Variants in UMODL1 observed in about 807,000 individuals in gnomAD.
UMODL1 encodes uromodulin like 1, also known as uromodulin-like 1.
In UMODL1, 128 loss-of-function variants were observed where a neutral mutation model predicts 136.3. The observed-to-expected ratio is 0.94, with a 90% CI of 0.81 to 1.09. The LOEUF (loss-of-function observed/expected upper bound fraction) is 1.09, where lower values mean the gene tolerates loss of function less well. Among genes scored for constraint, UMODL1 ranks in the 50% least tolerant of loss-of-function variants. The probability of loss-of-function intolerance (pLI) is 0.00; values close to 1 mark genes in which losing one functional copy is unlikely to be tolerated. For synonymous variants in UMODL1, 721 were observed against 720.0 expected (o/e 1.00, Z -0.02); for missense variants, 1,766 against 1,725.6 (o/e 1.02, Z -0.41).
chr21:42,111,149 A>T (rs1339618359), intron 11 of UMODL1, 28 bp downstream of exon 11: 4 of 1,593,134 alleles, frequency 2.5e-6, no homozygotes, highest in Non-Finnish European at 2.6e-6. Flanking sequence ...GGGTCTGGGG[A>T]TGGACCAGGG....
intron 10 of UMODL1, 57 bp from the exon 11 acceptor site, chr21:42,110,823 G>A (rs984419419): frequency 1.7e-5 from 25 of 1,494,140 alleles, no homozygotes; most frequent in African/African-American, 4.1e-5. Context: ...CCTCCTGGGA[G>A]GGCTCTTACT....
Position 42,111,520 on chromosome 21 carries a change from C to T in UMODL1, c.1914C>T (p.Ser638=), listed in dbSNP as rs1190525485. The T allele has an allele frequency of 1.9e-6, 3 of 1,613,868 alleles. No homozygotes were observed. The highest frequency in any genetic ancestry group is 1.3e-5 in the African/African-American group (1 of 75,048). ...TCCCTGGACAGCTACAGGGAAACTCCATCATGGAGCCACCCTCCTGGCCTT... is the reference window on the plus strand; with the variant it reads ...TCCCTGGACAGCTACAGGGAAACTCTATCATGGAGCCACCCTCCTGGCCTT... ...KGVEQELQGN[S]IMEPPSWPSP... The change falls in exon 12 of 23, where the codon TCC becomes TCT. Residue 638 remains serine, a synonymous_variant. Transcript: ENST00000408910.
intron 19 of UMODL1, 53 bp from the exon 20 acceptor site, chr21:42,127,619 A>G (rs1454253041): frequency 3.5e-5 from 55 of 1,560,564 alleles, no homozygotes; most frequent in Non-Finnish European, 4.6e-5. Context: ...ATCTGAGAAC[A>G]AGGACAGCGG....
chr21:42,140,272 A>T (rs141542918), intron 22 of UMODL1, among the ~76,000 whole-genome samples: 82 of 147,074 alleles, frequency 5.6e-4, no homozygotes, highest in African/African-American at 2.0e-3. Context: ...TGTGTTATAG[A>T]TGGGAATCCA....
chr21:42,074,936 C>T (rs2066270815), intron 1 of UMODL1, among the ~76,000 whole-genome samples: 1 of 151,610 alleles, frequency 6.6e-6, no homozygotes, highest in Admixed American at 6.6e-5. Context: ...AGTCTTCACT[C>T]TGTCACCCAG....
chr21:42,075,654 G>C (rs2066281706), intron 1 of UMODL1, among the ~76,000 whole-genome samples: 1 of 152,232 alleles, frequency 6.6e-6, no homozygotes, highest in African/African-American at 2.4e-5. Flanking sequence ...TGATCTCTAA[G>C]CATTGATTCC....
chr21:42,141,452 A>C (rs2067280251), intron 22 of UMODL1, among the ~76,000 whole-genome samples: 1 of 152,238 alleles, frequency 6.6e-6, no homozygotes, highest in Non-Finnish European at 1.5e-5. Flanking sequence ...AGGAAATGTC[A>C]GTGCCTTTTA....
At chr21:42,073,364 G>C (rs1279253345) in intron 1 of UMODL1, among the ~76,000 whole-genome samples, 1 of 152,182 alleles carries the variant, frequency 6.6e-6, no homozygotes, top group African/African-American at 2.4e-5. Flanking sequence ...AAGCTGATTT[G>C]TCCTGTTCCA....
chr21:42,084,081 C>T lies in UMODL1; in HGVS notation c.320-3C>T, dbSNP rs757322280. ...TATCATTAATTGTATCATTTTCTCC[C>T]AGCCCTGAATCAGTCCGGGCAGTTC... is the stretch of plus-strand genomic sequence containing the variant. On this transcript the variant is annotated splice_polypyrimidine_tract_variant and splice_region_variant and intron_variant, in intron 2 of 22. Transcript: ENST00000408910. The T allele has an allele frequency of 1.9e-6, 3 of 1,610,448 alleles. No individual in the cohort carries two copies. In the South Asian group the frequency reaches 3.3e-5, roughly 18 times the overall value.
chr21:42,093,873 C>G (rs779186561), intron 6 of UMODL1: 2 of 456,706 alleles, frequency 4.4e-6, no homozygotes, highest in South Asian at 3.1e-5. Flanking sequence ...CCCCGCAGCA[C>G]GTGGCCTTGA....
At chr21:42,129,842 C>G (rs200105039) in intron 21 of UMODL1, 45 bp downstream of exon 21, 1 of 1,395,850 alleles carries the variant, frequency 7.2e-7, no homozygotes, top group South Asian at 1.4e-5. Flanking sequence ...AAGATGCAAC[C>G]GATTCCTTTT....
At chr21:42,114,561 G>A (rs1419158317) in intron 13 of UMODL1, among the ~76,000 whole-genome samples, 2 of 150,494 alleles carry the variant, frequency 1.3e-5, no homozygotes, top group African/African-American at 2.5e-5. Context: ...TCACACTGTG[G>A]GCAGCATTGA....
At chr21:42,071,104 C>A (rs1208857663), upstream of UMODL1, among the ~76,000 whole-genome samples, 1 of 152,188 alleles carries the variant, frequency 6.6e-6, no homozygotes, top group Admixed American at 6.5e-5. Flanking sequence ...CCCAGGGAAA[C>A]GGCCATGGCA....
At position 42,099,280 on chromosome 21, in the gene UMODL1, G is replaced by A; in HGVS notation, c.1186+100G>A. ...TCGCGTTCTTCTTCCTATAACCAGG[G>A]CACCAGAAGTCACTGACCGCCCTGC... On this transcript the variant is annotated intron_variant, in intron 7 of 22. Coordinates refer to ENST00000408910, the MANE Select transcript of UMODL1 (RefSeq NM_001004416.3). The surrounding 1 kb of genome is among the most constrained non-coding windows in gnomAD (Gnocchi z 4.1). 1 of 1,488,842 alleles carries A rather than the reference G, an allele frequency of 6.7e-7. No homozygotes were observed. 92.2% of individuals were successfully genotyped at this position (1,488,842 alleles called of 1,614,324 possible). A position where few individuals can be genotyped will look rare whatever the true frequency, so the allele number is the denominator to read the frequency against.
intron 21 of UMODL1, among the ~76,000 whole-genome samples, chr21:42,134,450 G>A (rs2067176322): frequency 6.6e-6 from 1 of 152,160 alleles, no homozygotes; most frequent in African/African-American, 2.4e-5. Context: ...ATAGTGTCCA[G>A]GGAGTGCTCA....
intron 21 of UMODL1, 127 bp downstream of exon 21, chr21:42,129,924 A>G: frequency 3.0e-6 from 2 of 668,932 alleles, no homozygotes; most frequent in Non-Finnish European, 4.8e-6. Context: ...GAGGCTTATC[A>G]TAACAGAAAT....
rs761424257 is a variant in UMODL1 at position 42,071,370 on chromosome 21, A to C, written c.54A>C (p.Pro18=). ...TGGCTCTGGTCAGTGCTGTGGGCCC[A>C]AGCCAGGCCAGCGGCTTCACAGGTG... ...ALLALVSAVG[P]SQASGFTEKG... Residue 18 remains proline (P), a synonymous_variant, in exon 1 of 23, where the codon CCA becomes CCC. Transcript: ENST00000408910. The C allele has an allele frequency of 6.3e-7, 1 of 1,595,026 alleles. No homozygotes were observed. Among genetic ancestry groups the C allele is most frequent in the Non-Finnish European group, 8.5e-7 (1 of 1,171,184 alleles).
intron 2 of UMODL1, among the ~76,000 whole-genome samples, chr21:42,082,799 G>A (rs1427939468): frequency 6.6e-6 from 1 of 152,196 alleles, no homozygotes; most frequent in African/African-American, 2.4e-5. Flanking sequence ...CCTGGGGTTC[G>A]GTTTCTTCTC....
At chr21:42,076,328 T>C in intron 2 of UMODL1, 81 bp downstream of exon 2, 1 of 1,583,244 alleles carries the variant, frequency 6.3e-7, no homozygotes. Flanking sequence ...TTGGCATCCA[T>C]TGGCCCCGAA....
Sources: allele counts gnomAD v4.1 joint callset (sites outside exome capture counted in the v4.1 genomes callset), GRCh38; gene constraint gnomAD v4.1.1; non-coding constraint Gnocchi (gnomAD v3.1); transcripts MANE v1.5; gene names NCBI Gene and HGNC (gene_info 2026-07-23, HGNC 2026-07-21).